Variants in LSAMP observed in about 807,000 individuals in gnomAD.
LSAMP encodes the protein limbic system-associated membrane protein.
A neutral mutation model predicts 38.6 loss-of-function variants in LSAMP; 7 were observed. The ratio of observed to expected loss-of-function variants is 0.18; its 90% CI spans 0.10 to 0.34. LSAMP has a LOEUF of 0.34. LSAMP is among the 10% of genes least tolerant of loss of function. The pLI is 1.00. For missense variants in LSAMP, 313 were observed against 420.0 expected, an observed-to-expected ratio of 0.75 and a Z score of 2.23; for synonymous variants, 154 against 166.8, an observed-to-expected ratio of 0.92 and a Z score of 0.59.
At chr3:116,202,507 C>T (rs546524831) in intron 1 of LSAMP, among the ~76,000 whole-genome samples, 9 of 151,870 alleles carry the variant, frequency 5.9e-5, no homozygotes, top group East Asian at 1.9e-4. Flanking sequence ...TGCAGTGGTG[C>T]GATCATAGCT....
intron 1 of LSAMP, among the ~76,000 whole-genome samples, chr3:116,335,836 C>T (rs1023170605): frequency 3.3e-5 from 5 of 151,968 alleles, no homozygotes; most frequent in African/African-American, 4.8e-5. Flanking sequence ...GAATTCTGTA[C>T]TGAAAGCGAA....
chr3:116,087,820 T>C (rs1176652438), intron 1 of LSAMP, among the ~76,000 whole-genome samples: 1 of 152,050 alleles, frequency 6.6e-6, no homozygotes, highest in Non-Finnish European at 1.5e-5. Context: ...TTTTAAATAC[T>C]CCATTTATGG....
intron 1 of LSAMP, among the ~76,000 whole-genome samples, chr3:116,326,562 AAGC>A (rs1327922215): frequency 1.3e-5 from 2 of 152,132 alleles, no homozygotes; most frequent in Non-Finnish European, 2.9e-5. Flanking sequence ...CAACCTGAAG[AAGC>A]AGCAGCAGCA....
rs760196843 is a variant in LSAMP at position 116,444,835 on chromosome 3, CGT to C, written c.155+40_155+41del. On this transcript the variant is annotated intron_variant, in intron 1 of 6. Coordinates refer to ENST00000490035, the MANE Select transcript of LSAMP (RefSeq NM_002338.5). ...AAACACACACACACACACACACACA[CGT>C]GTAGACGCGCGCAGCAGAAAAGTTG... 8 of 1,611,422 alleles carry C rather than the reference CGT, an allele frequency of 5.0e-6. No individual in the cohort carries two copies. The East Asian group carries it at 6.7e-5, about 13-fold the overall frequency.
intron 3 of LSAMP, among the ~76,000 whole-genome samples, chr3:115,876,580 G>A (rs1936185599): frequency 6.6e-6 from 1 of 151,938 alleles, no homozygotes; most frequent in African/African-American, 2.4e-5. Flanking sequence ...TTCATTCTCT[G>A]GGTCAACTCT....
chr3:116,219,532 C>T (rs546181687), intron 1 of LSAMP, among the ~76,000 whole-genome samples: 4 of 152,256 alleles, frequency 2.6e-5, no homozygotes, highest in Admixed American at 6.5e-5. Context: ...TACCTCCGTA[C>T]TGGTTTTCAT....
chr3:116,353,239 G>T (rs74712897), intron 1 of LSAMP, among the ~76,000 whole-genome samples: 8,011 of 151,986 alleles, frequency 0.053, 270 homozygotes, highest in Non-Finnish European at 0.08. Context: ...GTTATAAAAA[G>T]GGTTAGGTGA....
At chr3:116,441,719 A>G (rs1041554535) in intron 1 of LSAMP, among the ~76,000 whole-genome samples, 4 of 152,040 alleles carry the variant, frequency 2.6e-5, no homozygotes, top group African/African-American at 9.7e-5. Flanking sequence ...AGGCAGGTAG[A>G]CTCTGTTTAG....
At chr3:116,115,524 C>T (rs1708721099) in intron 1 of LSAMP, among the ~76,000 whole-genome samples, 1 of 152,128 alleles carries the variant, frequency 6.6e-6, no homozygotes, top group Middle Eastern at 3.2e-3. Flanking sequence ...TGTTCAGTCT[C>T]CTTTCTTCTC....
intron 1 of LSAMP, among the ~76,000 whole-genome samples, chr3:116,345,686 TTTTA>T (rs1361418565): frequency 5.3e-5 from 8 of 152,156 alleles, no homozygotes; most frequent in Non-Finnish European, 1.2e-4. Flanking sequence ...TTTGTTTGGG[TTTTA>T]TTTGTTTGTT....
At chr3:115,885,420 T>A (rs1936427262) in intron 3 of LSAMP, among the ~76,000 whole-genome samples, 1 of 152,000 alleles carries the variant, frequency 6.6e-6, no homozygotes, top group Non-Finnish European at 1.5e-5. Context: ...CTCAGTTCCC[T>A]TCTATATTAC....
chr3:116,074,856 T>G (rs1215625925), intron 2 of LSAMP, among the ~76,000 whole-genome samples: 2 of 150,552 alleles, frequency 1.3e-5, no homozygotes, highest in African/African-American at 2.5e-5. Context: ...TTTTTTTTTT[T>G]TTTTTGAGAT....
chr3:116,000,991 A>G (rs1340502685), intron 3 of LSAMP, among the ~76,000 whole-genome samples: 1 of 152,198 alleles, frequency 6.6e-6, no homozygotes, highest in East Asian at 1.9e-4. Flanking sequence ...CAGTTTTCCC[A>G]AAGTTGTAAT....
intron 1 of LSAMP, among the ~76,000 whole-genome samples, chr3:116,309,931 C>T (rs1178413123): frequency 6.6e-6 from 1 of 152,136 alleles, no homozygotes; most frequent in Non-Finnish European, 1.5e-5. Flanking sequence ...ACTCTTCTTT[C>T]CATGGTCAAC....
chr3:116,315,556 G>T (rs1328496705), intron 1 of LSAMP, among the ~76,000 whole-genome samples: 12 of 152,120 alleles, frequency 7.9e-5, no homozygotes, highest in Middle Eastern at 3.2e-3. Context: ...ACAGTAGCCT[G>T]CCTTTAAATA....
intron 1 of LSAMP, among the ~76,000 whole-genome samples, chr3:116,290,831 C>G (rs901050430): frequency 1.3e-5 from 2 of 151,526 alleles, no homozygotes; most frequent in African/African-American, 4.8e-5. Flanking sequence ...TATAATCAAT[C>G]AGCCCTATTG....
chr3:116,171,930 A>G (rs958605101), intron 1 of LSAMP, among the ~76,000 whole-genome samples: 3 of 152,086 alleles, frequency 2.0e-5, no homozygotes, highest in Non-Finnish European at 4.4e-5. Context: ...ATAGGCATGC[A>G]TGGATCCTTC....
At chr3:115,878,453 CTTTTTTTTT>C (rs3087024) in intron 3 of LSAMP, among the ~76,000 whole-genome samples, 13 of 55,538 alleles carry the variant, frequency 2.3e-4, no homozygotes, top group South Asian at 1.7e-3. Flanking sequence ...ACATGCTATT[CTTTTTTTTT>C]TTTTTTTTTT....
intron 3 of LSAMP, among the ~76,000 whole-genome samples, chr3:115,883,160 C>G (rs1056559188): frequency 1.3e-5 from 2 of 151,912 alleles, no homozygotes; most frequent in Non-Finnish European, 2.9e-5. Context: ...CATCAATTGC[C>G]ACTGGTAACA....
Sources: gnomAD v4.1 joint callset for allele counts (sites outside exome capture counted in the v4.1 genomes callset) on GRCh38, gnomAD v4.1.1 for gene constraint, MANE v1.5 for transcripts, NCBI Gene and HGNC (gene_info 2026-07-23, HGNC 2026-07-21) for gene names.